The following SPAG16 variants were observed in gnomAD, a reference collection of about 807,000 sequenced individuals.
SPAG16 encodes the protein sperm-associated antigen 16 protein.
A neutral mutation model predicts 80.4 loss-of-function variants in SPAG16; 86 were observed. That is an observed-to-expected ratio of 1.07 (90% CI 0.90 to 1.28). The LOEUF (loss-of-function observed/expected upper bound fraction) is 1.28. Among genes scored for constraint, SPAG16 ranks in the 50% most tolerant of loss-of-function variants. The probability of loss-of-function intolerance (pLI) is 0.00; values close to 1 mark genes in which losing one functional copy is unlikely to be tolerated. For synonymous variants in SPAG16, 294 were observed against 265.9 expected (o/e 1.11, Z -1.03); for missense variants, 870 against 765.3 (o/e 1.14, Z -1.61).
At chr2:213,501,101 T>C (rs1380421293) in intron 10 of SPAG16, among the ~76,000 whole-genome samples, 3 of 152,228 alleles carry the variant, frequency 2.0e-5, no homozygotes, top group Non-Finnish European at 2.9e-5. Context: ...TAGGGCATGT[T>C]GAGTGTGGAA....
chr2:214,245,206 C>T (rs1396714059), intron 15 of SPAG16, among the ~76,000 whole-genome samples: 2 of 152,126 alleles, frequency 1.3e-5, no homozygotes, highest in Non-Finnish European at 2.9e-5. Flanking sequence ...TCTGAAATCA[C>T]GGATTTAGGA....
At chr2:213,620,111 A>G (rs1430705750) in intron 10 of SPAG16, among the ~76,000 whole-genome samples, 1 of 151,982 alleles carries the variant, frequency 6.6e-6, no homozygotes, top group Non-Finnish European at 1.5e-5. Context: ...AAAAAAAGTG[A>G]GCTCTTAGAA....
At chr2:214,356,897 G>T (rs577228748) in intron 15 of SPAG16, among the ~76,000 whole-genome samples, 1 of 151,754 alleles carries the variant, frequency 6.6e-6, no homozygotes, top group Non-Finnish European at 1.5e-5. Context: ...TTCTTTTGTG[G>T]TCATTTGTAT....
At chr2:213,882,845 G>T (rs2106035005) in intron 11 of SPAG16, among the ~76,000 whole-genome samples, 1 of 132,118 alleles carries the variant, frequency 7.6e-6, no homozygotes, top group South Asian at 2.7e-4. Context: ...CTTTGTGGTT[G>T]GTTGTTTCTT....
chr2:214,108,633 A>G (rs1473791043), intron 14 of SPAG16, among the ~76,000 whole-genome samples: 1 of 152,190 alleles, frequency 6.6e-6, no homozygotes, highest in Non-Finnish European at 1.5e-5. Context: ...AAAAATCATT[A>G]AAATAACTAT....
chr2:213,498,292 G>A (rs892923938), intron 10 of SPAG16, among the ~76,000 whole-genome samples: 3 of 152,074 alleles, frequency 2.0e-5, no homozygotes, highest in African/African-American at 7.2e-5. Context: ...GTCAATGCAT[G>A]TGGAATGGTA....
chr2:213,389,840 A>G (rs996928832), intron 9 of SPAG16, among the ~76,000 whole-genome samples: 2 of 152,164 alleles, frequency 1.3e-5, no homozygotes, highest in Non-Finnish European at 2.9e-5. Context: ...CTCAAAAAAT[A>G]AAAAATAGAA....
At chr2:213,476,714 A>G (rs1385216109) in intron 9 of SPAG16, among the ~76,000 whole-genome samples, 7 of 152,190 alleles carry the variant, frequency 4.6e-5, no homozygotes, top group Admixed American at 3.9e-4. Flanking sequence ...CTTCACTCCC[A>G]TAGCTCAGTG....
intron 10 of SPAG16, among the ~76,000 whole-genome samples, chr2:213,841,384 A>G (rs909741225): frequency 1.3e-5 from 2 of 152,312 alleles, no homozygotes; most frequent in South Asian, 2.1e-4. Context: ...CCCTTGGTCT[A>G]CTTAATTGCT....
chr2:213,995,023 A>T (rs1403940868), intron 12 of SPAG16, among the ~76,000 whole-genome samples: 2 of 152,240 alleles, frequency 1.3e-5, no homozygotes, highest in Non-Finnish European at 2.9e-5. Context: ...GAAGGTAAAT[A>T]TTAAAAATAT....
intron 15 of SPAG16, among the ~76,000 whole-genome samples, chr2:214,172,865 T>C (rs2125639141): frequency 6.6e-6 from 1 of 152,326 alleles, no homozygotes; most frequent in South Asian, 2.1e-4. Context: ...TGGTGAACAT[T>C]TTTTCATGTG....
chr2:214,291,780 G>A (rs942259123), intron 15 of SPAG16, among the ~76,000 whole-genome samples: 5 of 152,054 alleles, frequency 3.3e-5, no homozygotes, highest in African/African-American at 1.2e-4. Flanking sequence ...TGCTATTGTG[G>A]TTAGGTAGTT....
intron 15 of SPAG16, among the ~76,000 whole-genome samples, chr2:214,293,128 T>C (rs543829388): frequency 6.6e-6 from 1 of 152,312 alleles, no homozygotes; most frequent in East Asian, 1.9e-4. Context: ...AGGCCAATTC[T>C]TGGGCCCCCA....
At chr2:213,701,308 C>G (rs114509242) in intron 10 of SPAG16, among the ~76,000 whole-genome samples, 2 of 152,258 alleles carry the variant, frequency 1.3e-5, no homozygotes, top group East Asian at 3.9e-4. Flanking sequence ...TCTGTAAGGA[C>G]GTAGGAGTCT....
intron 5 of SPAG16, among the ~76,000 whole-genome samples, chr2:213,322,832 A>C (rs1448065745): frequency 6.6e-6 from 1 of 152,178 alleles, no homozygotes; most frequent in Non-Finnish European, 1.5e-5. Flanking sequence ...GAAAAAGCCA[A>C]GTATAAACTT....
intron 13 of SPAG16, among the ~76,000 whole-genome samples, chr2:214,051,661 G>T (rs563392238): frequency 1.3e-5 from 2 of 152,050 alleles, no homozygotes; most frequent in Non-Finnish European, 2.9e-5. Context: ...AACTTTTCTT[G>T]CTCCTAGAGT....
intron 10 of SPAG16, among the ~76,000 whole-genome samples, chr2:213,614,232 T>A (rs867605725): frequency 5.9e-5 from 9 of 152,236 alleles, no homozygotes; most frequent in Non-Finnish European, 1.2e-4. Flanking sequence ...ACTAGGATTT[T>A]TAACGTCCTG....
intron 11 of SPAG16, among the ~76,000 whole-genome samples, chr2:213,889,011 C>T (rs941479197): frequency 3.3e-5 from 5 of 151,772 alleles, no homozygotes; most frequent in African/African-American, 1.2e-4. Flanking sequence ...AGTTTTAAAA[C>T]ACCATAAAAT....
intron 15 of SPAG16, among the ~76,000 whole-genome samples, chr2:214,170,642 C>G (rs1313966489): frequency 6.6e-6 from 1 of 151,970 alleles, no homozygotes; most frequent in Admixed American, 6.6e-5. Context: ...ATTCAGACTG[C>G]CTATCTTCAG....
Sources: allele counts gnomAD v4.1 joint callset (sites outside exome capture counted in the v4.1 genomes callset), GRCh38; gene constraint gnomAD v4.1.1; transcripts MANE v1.5; gene names NCBI Gene and HGNC (gene_info 2026-07-23, HGNC 2026-07-21).